The following RYR3 variants were observed in gnomAD, a reference collection of about 807,000 sequenced individuals.
RYR3 encodes the protein brain ryanodine receptor-calcium release channel.
RYR3 carries 207 observed loss-of-function variants against 584.3 expected under a neutral mutation model. That is an observed-to-expected ratio of 0.35 (90% confidence interval 0.32 to 0.40). RYR3 has a LOEUF of 0.40. Ranked by LOEUF, RYR3 falls within the 10% of genes least tolerant of loss-of-function variation. The pLI, the probability that RYR3 is intolerant of heterozygous loss-of-function variation, is 1.00. For missense variants in RYR3, 5,616 were observed against 6,089.2 expected (o/e 0.92, Z 2.59); for synonymous variants, 2,416 against 2,248.5 (o/e 1.07, Z -2.11).
At chr15:33,542,726 T>C (rs2055923661) in intron 7 of RYR3, among the ~76,000 whole-genome samples, 1 of 152,010 alleles carries the variant, frequency 6.6e-6, no homozygotes, top group African/African-American at 2.4e-5. Flanking sequence ...AATTATGTGA[T>C]TTTTTTTCCT....
chr15:33,663,647 C>G lies in RYR3; in HGVS notation c.5529C>G (p.Phe1843Leu). 6.2e-7 allele frequency: 1 copy of G among 1,613,200 alleles called. No homozygotes were observed. Among genetic ancestry groups the G allele is most frequent in the South Asian group, 1.1e-5 (1 of 90,756 alleles). Residue 1843 changes from phenylalanine (F) to leucine (L), a missense_variant, in exon 36 of 104, where the codon TTC (phenylalanine) becomes TTG (leucine). Physicochemically the swap from Phe to Leu is conservative, Grantham distance 22. Transcript: ENST00000634891. Reference protein sequence around the residue: ...YVSKLQANQKFRYNELMQALN... With the variant: ...YVSKLQANQKLRYNELMQALN... ...CCAAGCTGCAGGCAAATCAGAAGTTCCGCTACAATGAGCTCATGCAGGCCC... is the reference window on the plus strand; with the variant it reads ...CCAAGCTGCAGGCAAATCAGAAGTTGCGCTACAATGAGCTCATGCAGGCCC...
chr15:33,330,821 A>G (rs1395632321), intron 1 of RYR3, among the ~76,000 whole-genome samples: 1 of 152,162 alleles, frequency 6.6e-6, no homozygotes, highest in African/African-American at 2.4e-5. Context: ...GTATAGCATT[A>G]AACTTAGAAC....
At chr15:33,319,147 C>A (rs372376899) in intron 1 of RYR3, among the ~76,000 whole-genome samples, 1 of 152,134 alleles carries the variant, frequency 6.6e-6, no homozygotes, top group South Asian at 2.1e-4. Flanking sequence ...AGCTAGTCAG[C>A]GGGACTACAG....
At chr15:33,864,038 TG>T in intron 102 of RYR3, 99 bp from the exon 103 acceptor site, 1 of 797,570 alleles carries the variant, frequency 1.3e-6, no homozygotes, top group Non-Finnish European at 2.1e-6. Context: ...GTAGATAGCG[TG>T]GGACCAACTA....
chr15:33,786,513 T>C (rs545269693), intron 66 of RYR3, among the ~76,000 whole-genome samples: 1 of 152,158 alleles, frequency 6.6e-6, no homozygotes, highest in South Asian at 2.1e-4. Flanking sequence ...CCTCCAAAGT[T>C]ACTTGCACAC....
chr15:33,717,525 A>G (rs2067587448), intron 43 of RYR3, among the ~76,000 whole-genome samples: 1 of 151,870 alleles, frequency 6.6e-6, no homozygotes, highest in Non-Finnish European at 1.5e-5. Context: ...TCTTCTCTCC[A>G]TCTCCACTGG....
chr15:33,398,402 G>A (rs1595969881), intron 1 of RYR3, among the ~76,000 whole-genome samples: 1 of 152,206 alleles, frequency 6.6e-6, no homozygotes, highest in Non-Finnish European at 1.5e-5. Flanking sequence ...AGTGAATTCT[G>A]AGTGGGGAAA....
intron 10 of RYR3, among the ~76,000 whole-genome samples, chr15:33,556,241 A>C (rs1016267595): frequency 6.6e-6 from 1 of 152,220 alleles, no homozygotes; most frequent in Non-Finnish European, 1.5e-5. Context: ...ATAAGCATCA[A>C]TTAGAAGCTA....
intron 27 of RYR3, among the ~76,000 whole-genome samples, chr15:33,636,972 T>TA (rs1372909431): frequency 6.6e-6 from 1 of 152,246 alleles, no homozygotes; most frequent in Non-Finnish European, 1.5e-5. Context: ...TTGAACTTGA[T>TA]GCTTTGAAGA....
chr15:33,489,334 A>AT (rs1460892646), intron 2 of RYR3, among the ~76,000 whole-genome samples: 7 of 152,012 alleles, frequency 4.6e-5, no homozygotes, highest in African/African-American at 1.4e-4. Context: ...CCCAGTAGTT[A>AT]TTTTTTCTGC....
chr15:33,726,497 C>T lies in RYR3; in HGVS notation c.7024C>T (p.Leu2342Phe), dbSNP rs527789059. The T allele has an allele frequency of 5.6e-6, 9 of 1,595,748 alleles. No individual in the cohort carries two copies. The highest frequency in any genetic ancestry group is 5.2e-5 in the Admixed American group (3 of 57,446). The change falls in exon 46 of 104, where the codon CTC becomes TTC. Residue 2342 changes from leucine (L) to phenylalanine (F), a missense_variant. Physicochemically the swap from Leu to Phe is conservative, Grantham distance 22. Coordinates refer to ENST00000634891, the MANE Select transcript of RYR3 (RefSeq NM_001036.6). ...IISIPLKLPS[L>F]NKDGSVSEPD... is the part of the protein sequence containing the mutation. Reference sequence around the variant, plus strand: ...CAGCATCCCCTTGAAACTGCCCTCCCTCAACAAAGGTAAGGGGAGTGACTG... The same window carrying T: ...CAGCATCCCCTTGAAACTGCCCTCCTTCAACAAAGGTAAGGGGAGTGACTG...
intron 3 of RYR3, among the ~76,000 whole-genome samples, chr15:33,519,152 G>T (rs922470703): frequency 2.6e-5 from 4 of 152,172 alleles, no homozygotes; most frequent in African/African-American, 7.2e-5. Context: ...AGTTCAGGAA[G>T]TGTCCAGCTG....
chr15:33,395,788 A>C (rs1302129748), intron 1 of RYR3, among the ~76,000 whole-genome samples: 1 of 152,180 alleles, frequency 6.6e-6, no homozygotes, highest in African/African-American at 2.4e-5. Context: ...GCTTGCCTTG[A>C]AAGTGACTTC....
intron 16 of RYR3, among the ~76,000 whole-genome samples, chr15:33,588,104 C>T (rs925107767): frequency 2.6e-5 from 4 of 152,208 alleles, no homozygotes; most frequent in Non-Finnish European, 1.5e-5. Context: ...ATTTATTTTG[C>T]ACTTAACAAA....
At chr15:33,518,313 C>A (rs1414604166) in intron 3 of RYR3, among the ~76,000 whole-genome samples, 1 of 152,206 alleles carries the variant, frequency 6.6e-6, no homozygotes, top group Non-Finnish European at 1.5e-5. Flanking sequence ...ATGGTAACCA[C>A]CAAACTTGCT....
chr15:33,687,618 G>A (rs1244158965), intron 38 of RYR3, among the ~76,000 whole-genome samples: 1 of 152,076 alleles, frequency 6.6e-6, no homozygotes, highest in Non-Finnish European at 1.5e-5. Flanking sequence ...CAGTCCTAAG[G>A]AAAAAGAACT....
At chr15:33,533,465 G>A in intron 5 of RYR3, 76 bp downstream of exon 5, 2 of 1,011,984 alleles carry the variant, frequency 2.0e-6, no homozygotes, top group Non-Finnish European at 3.0e-6. Context: ...GACCCTGAAT[G>A]CGTTACTCAT....
At chr15:33,834,327 G>C (rs150772501) in intron 86 of RYR3, among the ~76,000 whole-genome samples, 21,560 of 112,554 alleles carry the variant, frequency 0.19, 1,754 homozygotes, top group East Asian at 0.32. Flanking sequence ...CACACACAGT[G>C]AGATTAACAT....
Position 33,707,066 on chromosome 15 carries a change from A to AT in RYR3, c.6619+17dup. The AT allele has an allele frequency of 6.2e-7, 1 of 1,613,694 alleles. No individual in the cohort carries two copies. The highest frequency in any genetic ancestry group is 8.5e-7 in the Non-Finnish European group (1 of 1,179,754). On this transcript the variant is annotated intron_variant, in intron 43 of 103. Transcript: ENST00000634891. ...TGTCTTCGTGAACAGTGAGTCCCAC[A>AT]TTTTTCCATACCTCTTATACCCAGA...
Sources: gnomAD v4.1 joint callset for allele counts (sites outside exome capture counted in the v4.1 genomes callset) on GRCh38, gnomAD v4.1.1 for gene constraint, MANE v1.5 for transcripts, NCBI Gene and HGNC (gene_info 2026-07-23, HGNC 2026-07-21) for gene names.